The following NDUFS8 variants were observed in gnomAD, a reference collection of about 807,000 sequenced individuals.
NDUFS8 encodes the protein NADH dehydrogenase [ubiquinone] iron-sulfur protein 8, mitochondrial.
NDUFS8 carries 13 observed loss-of-function variants against 25.6 expected under a neutral mutation model. The observed-to-expected ratio is 0.51, with a 90% CI of 0.33 to 0.81. The LOEUF is 0.81. NDUFS8 is among the 30% of genes least tolerant of loss of function. The pLI, the probability that NDUFS8 is intolerant of heterozygous loss-of-function variation, is 0.02. For missense variants in NDUFS8, 257 were observed against 300.9 expected (o/e 0.85, Z 1.08); for synonymous variants, 119 against 119.4 (o/e 1.00, Z 0.02).
chr11:68,032,868 A>G (rs536888936), intron 3 of NDUFS8, 55 bp from the exon 4 acceptor site: 3 of 1,561,456 alleles, frequency 1.9e-6, no homozygotes, highest in African/African-American at 2.7e-5. Flanking sequence ...CTGAGGCTCC[A>G]GGGAGACAGT....
chr11:68,032,086 G>C, intron 1 of NDUFS8, 66 bp from the exon 2 acceptor site: 2 of 1,606,522 alleles, frequency 1.2e-6, no homozygotes, highest in East Asian at 4.5e-5. Context: ...GATCCTTGCG[G>C]TGCCAGTCTC....
In NDUFS8 at chr11:68,036,400, T is replaced by C. The variant is rs1309828798; in HGVS notation, c.501+19T>C. 6.2e-7 allele frequency: 1 copy of C among 1,613,460 alleles called. No individual in the cohort carries two copies. The highest frequency in any genetic ancestry group is 8.5e-7 in the Non-Finnish European group (1 of 1,179,906). On this transcript the variant is annotated intron_variant, in intron 6 of 6. Transcript: ENST00000313468. ...CGTCGAGGCACGTGAGGCCCCCGGG[T>C]GGGAGGGGGCCTGAGGCTCCTCAGC...
At chr11:68,036,033 A>C in intron 5 of NDUFS8, 1 of 386,826 alleles carries the variant, frequency 2.6e-6, no homozygotes, top group South Asian at 3.0e-5. Flanking sequence ...AAAAAAAAAA[A>C]AAAAAAAAAC....
chr11:68,032,902 T>G (rs1590789473), intron 3 of NDUFS8, 21 bp from the exon 4 acceptor site: 1 of 1,612,980 alleles, frequency 6.2e-7, no homozygotes, highest in Non-Finnish European at 8.5e-7. Flanking sequence ...TGCCATGGCC[T>G]CCCTGCCCGC....
chr11:68,032,569 G>A (rs1248770636), intron 3 of NDUFS8: 19 of 1,439,416 alleles, frequency 1.3e-5, no homozygotes, highest in East Asian at 1.0e-4. Flanking sequence ...ATGGGGAGGG[G>A]GTTGCCAGGT....
At chr11:68,032,573 G>T (rs979588634) in intron 3 of NDUFS8, 13 of 1,427,080 alleles carry the variant, frequency 9.1e-6, no homozygotes, top group Admixed American at 2.3e-5. Context: ...GGAGGGGGTT[G>T]CCAGGTGTGA....
chr11:68,033,546 TGTGACCCCTGGGCCTCTGAGCCATGGG>T (rs1388166971), intron 5 of NDUFS8: 1 of 558,878 alleles, frequency 1.8e-6, no homozygotes, highest in African/African-American at 1.9e-5. Flanking sequence ...TGGCCAAGGG[TGTGACCCCTGGGCCTCTGAGCCATGGG>T]GTGACACCTG....
chr11:68,035,923 G>A (rs185532450), intron 5 of NDUFS8: 116 of 375,144 alleles, frequency 3.1e-4, no homozygotes, highest in African/African-American at 2.3e-3. Context: ...GGGGGCTGAG[G>A]CAGGAGAATC....
At chr11:68,032,597 G>C in intron 3 of NDUFS8, 1 of 1,288,038 alleles carries the variant, frequency 7.8e-7, no homozygotes, top group Non-Finnish European at 1.0e-6. Context: ...ATGGGTACCT[G>C]TGCCTATTGC....
chr11:68,035,404 C>T (rs1405250790), intron 5 of NDUFS8: 1 of 200,392 alleles, frequency 5.0e-6, no homozygotes, highest in Non-Finnish European at 1.1e-5. Context: ...GTACTCCAGC[C>T]TGGGTGACAG....
At position 68,032,302 on chromosome 11, in the gene NDUFS8, G is replaced by A. The variant is rs753486707; in HGVS notation, c.75G>A (p.Arg25=). 4.3e-6 allele frequency: 7 copies of A among 1,613,750 alleles called. No homozygotes were observed. Among genetic ancestry groups the A allele is most frequent in the Non-Finnish European group, 3.4e-6 (4 of 1,180,012 alleles). ...QAARAGPPGG[R]SLHSSAVAAT... is the part of the protein sequence containing the mutation. ...TTTTTGCAGGACCTCCTGGTGGCCGGAGCCTCCACAGCAGTGCAGTGGCAG... is the reference window on the plus strand; with the variant it reads ...TTTTTGCAGGACCTCCTGGTGGCCGAAGCCTCCACAGCAGTGCAGTGGCAG... Residue 25 remains arginine (R), a synonymous_variant, in exon 3 of 7, where the codon CGG becomes CGA. Transcript: ENST00000313468.
intron 3 of NDUFS8, 156 bp downstream of exon 3, chr11:68,032,492 G>C: frequency 6.6e-7 from 1 of 1,526,368 alleles, no homozygotes; most frequent in Non-Finnish European, 8.8e-7. Flanking sequence ...GACTGACTCT[G>C]ATTCACAGGG....
chr11:68,030,721 G>A lies in NDUFS8; in HGVS notation c.-13G>A, dbSNP rs1237303261. 2.1e-5 allele frequency: 7 copies of A among 332,558 alleles called. No homozygotes were observed. The highest frequency in any genetic ancestry group is 1.1e-3 in the Middle Eastern group (1 of 940). 20.6% of individuals were successfully genotyped at this position (332,558 alleles called of 1,614,324 possible). A position where few individuals can be genotyped will look rare whatever the true frequency, so the allele number is the denominator to read the frequency against. ...GGCCTGCTTGGCAAGGCAAGTAGCG[G>A]CGGCGCTTCAAGGTGGGTGTTCACG... On this transcript the variant is annotated 5_prime_UTR_variant, in exon 1 of 7. Coordinates refer to ENST00000313468, the MANE Select transcript of NDUFS8 (RefSeq NM_002496.4).
At chr11:68,032,605 T>A in intron 3 of NDUFS8, 1 of 1,223,122 alleles carries the variant, frequency 8.2e-7, no homozygotes, top group Non-Finnish European at 1.1e-6. Flanking sequence ...CTGTGCCTAT[T>A]GCCAGTCCCT....
At chr11:68,031,808 T>G (rs1258782690) in intron 1 of NDUFS8, 1 of 418,168 alleles carries the variant, frequency 2.4e-6, no homozygotes, top group East Asian at 5.3e-5. Flanking sequence ...CGGGGGCTGG[T>G]AATGTTGTTT....
chr11:68,032,828 C>A (rs754649063), intron 3 of NDUFS8, 95 bp from the exon 4 acceptor site: 1 of 1,225,322 alleles, frequency 8.2e-7, no homozygotes. Context: ...CCAGCAGTTG[C>A]ACCTGGAAGT....
chr11:68,033,656 T>C, intron 5 of NDUFS8: 1 of 329,452 alleles, frequency 3.0e-6, no homozygotes, highest in South Asian at 3.0e-5. Context: ...CAGCTTCCCT[T>C]CCCCAGTGGC....
intron 1 of NDUFS8, among the ~76,000 whole-genome samples, chr11:68,031,373 G>T (rs1854763963): frequency 6.6e-6 from 1 of 152,154 alleles, no homozygotes; most frequent in South Asian, 2.1e-4. Context: ...TTGAGACAAG[G>T]TCTCACTCTG....
chr11:68,033,268 C>T lies in NDUFS8; in HGVS notation c.357C>T (p.Ala119=), dbSNP rs547150516. The change falls in exon 5 of 7, where the codon GCC becomes GCT. Residue 119 remains alanine (A), a synonymous_variant. Transcript: ENST00000313468. ...GCATTGCCTGCAAGCTCTGCGAGGCCATCTGCCCCGCCCAGGTGAGCCCCT... is the reference window on the plus strand; with the variant it reads ...GCATTGCCTGCAAGCTCTGCGAGGCTATCTGCCCCGCCCAGGTGAGCCCCT... ...ERCIACKLCE[A]ICPAQAITIE... is the part of the protein sequence containing the mutation. 1 of 1,606,200 alleles carries T rather than the reference C, an allele frequency of 6.2e-7. No individual in the cohort carries two copies. The highest frequency in any genetic ancestry group is 1.1e-5 in the South Asian group (1 of 90,272).
Sources: gnomAD v4.1 joint callset for allele counts (sites outside exome capture counted in the v4.1 genomes callset) on GRCh38, gnomAD v4.1.1 for gene constraint, MANE v1.5 for transcripts, NCBI Gene and HGNC (gene_info 2026-07-23, HGNC 2026-07-21) for gene names.